KAT6B: variants seen among roughly 807,000 people sequenced by gnomAD.
KAT6B encodes the protein histone acetyltransferase KAT6B.
KAT6B carries 10 observed loss-of-function variants against 187.5 expected under a neutral mutation model. That is an observed-to-expected ratio of 0.05 (90% CI 0.03 to 0.09). The LOEUF is 0.09. KAT6B is among the 10% of genes least tolerant of loss of function. The pLI, the probability that KAT6B is intolerant of heterozygous loss-of-function variation, is 1.00. For synonymous variants in KAT6B, 861 were observed against 926.8 expected (o/e 0.93, Z 1.29); for missense variants, 1,952 against 2,558.9 (o/e 0.76, Z 5.12).
chr10:74,825,002 C>T (rs879603602), upstream of KAT6B, among the ~76,000 whole-genome samples: 19 of 152,224 alleles, frequency 1.2e-4, no homozygotes, highest in Non-Finnish European at 2.4e-4. This position sits in a 1 kb window ranked among gnomAD's most constrained non-coding sequence, Gnocchi z 5.0. Flanking sequence ...CAGCTTCCCC[C>T]TCCAGCCCGC....
intron 16 of KAT6B, chr10:75,024,268 T>A (rs1002990470): frequency 6.6e-6 from 1 of 152,214 alleles, no homozygotes; most frequent in African/African-American, 2.4e-5. Context: ...AAAAAAATAT[T>A]TTTATATCAT....
chr10:75,003,822 A>T lies in KAT6B; in HGVS notation c.2629+14710A>T, dbSNP rs947929967. On this transcript the variant is annotated intron_variant, in intron 13 of 17. Transcript: ENST00000287239. ...GACTGTTGCTGAATGCATTGAAATG[A>T]GTTGCATGAGACAGTGCGGCTAACG... Among the ~76,000 whole-genome samples, 5 of 152,204 alleles carry T rather than the reference A, an allele frequency of 3.3e-5. No homozygotes were observed. In the South Asian group the frequency reaches 6.2e-4, roughly 19 times the overall value.
chr10:75,028,688 A>T lies in KAT6B; in HGVS notation c.3864A>T (p.Thr1288=). The change falls in exon 18 of 18, where the codon ACA becomes ACT. Residue 1288 remains threonine, a synonymous_variant. Coordinates refer to ENST00000287239, the MANE Select transcript of KAT6B (RefSeq NM_012330.4). ...CCATGGAGCCTGACGAGCAGGTAAC[A>T]GTGGAAGAACAGAAGGAGACTTCAG... ...ETPMEPDEQV[T]VEEQKETSEG... The T allele has an allele frequency of 6.2e-7, 1 of 1,614,114 alleles. No individual in the cohort carries two copies. The highest frequency in any genetic ancestry group is 8.5e-7 in the Non-Finnish European group (1 of 1,180,054).
chr10:74,910,907 C>G (rs556704203), intron 3 of KAT6B, among the ~76,000 whole-genome samples: 1 of 152,184 alleles, frequency 6.6e-6, no homozygotes, highest in East Asian at 1.9e-4. Context: ...TCTAGTCTAC[C>G]CTTGCCATTT....
At chr10:74,918,283 ACTC>A (rs1243420357) in intron 3 of KAT6B, among the ~76,000 whole-genome samples, 1 of 151,742 alleles carries the variant, frequency 6.6e-6, no homozygotes, top group Non-Finnish European at 1.5e-5. Context: ...AAAGAGAAAA[ACTC>A]CTGCTCTTGT....
In KAT6B at chr10:74,843,304, G is replaced by A. The variant is rs776337217; in HGVS notation, c.447G>A (p.Gln149=). ...GCACCACCAACAACCCAGCCTTTCAGCAGCGGCTGCGACTGGGGGCCAAAC... is the reference window on the plus strand; with the variant it reads ...GCACCACCAACAACCCAGCCTTTCAACAGCGGCTGCGACTGGGGGCCAAAC... The part of the protein sequence containing the change: ...LTSTTNNPAF[Q]QRLRLGAKRA... Residue 149 remains glutamine, a synonymous_variant, in exon 3 of 18, where the codon CAG becomes CAA. Transcript: ENST00000287239. 6.2e-7 allele frequency: 1 copy of A among 1,613,688 alleles called. No individual in the cohort carries two copies. Among genetic ancestry groups the A allele is most frequent in the Admixed American group, 1.7e-5 (1 of 59,908 alleles).
chr10:74,956,749 T>G (rs1414768857), intron 3 of KAT6B, among the ~76,000 whole-genome samples: 2 of 152,206 alleles, frequency 1.3e-5, no homozygotes, highest in African/African-American at 2.4e-5. Flanking sequence ...TTAAATGAGA[T>G]AGTGCAGGAG....
At chr10:74,888,085 G>A (rs557539166) in intron 3 of KAT6B, among the ~76,000 whole-genome samples, 1 of 152,214 alleles carries the variant, frequency 6.6e-6, no homozygotes, top group Non-Finnish European at 1.5e-5. Flanking sequence ...GGTCAGGATA[G>A]CTGTATGGAA....
chr10:75,021,324 A>G (rs1845392910), intron 15 of KAT6B, 39 bp downstream of exon 15: 1 of 1,602,442 alleles, frequency 6.2e-7, no homozygotes, highest in African/African-American at 1.3e-5. Flanking sequence ...GTGTAACTTC[A>G]ATCTTGTAGC....
intron 3 of KAT6B, among the ~76,000 whole-genome samples, chr10:74,908,147 C>T (rs1218081766): frequency 6.6e-6 from 1 of 152,178 alleles, no homozygotes; most frequent in African/African-American, 2.4e-5. Context: ...GCACATTCAG[C>T]TTCTTGCCAT....
intron 13 of KAT6B, among the ~76,000 whole-genome samples, chr10:74,998,632 G>T (rs1422685984): frequency 2.0e-5 from 3 of 152,198 alleles, no homozygotes; most frequent in African/African-American, 7.2e-5. Flanking sequence ...TAGCTGCTGA[G>T]AATTATGTTC....
intron 6 of KAT6B, among the ~76,000 whole-genome samples, chr10:74,972,041 C>T (rs1841878971): frequency 6.6e-6 from 1 of 151,952 alleles, no homozygotes; most frequent in Non-Finnish European, 1.5e-5. Flanking sequence ...TTCTGCAGTA[C>T]TCAAAACTTT....
chr10:75,027,257 ACATT>A (rs1345881700), intron 17 of KAT6B, among the ~76,000 whole-genome samples: 1 of 152,204 alleles, frequency 6.6e-6, no homozygotes, highest in African/African-American at 2.4e-5. Context: ...TCTCAAGGAA[ACATT>A]CTACATCACA....
At chr10:74,997,530 T>C (rs1564613089) in intron 13 of KAT6B, among the ~76,000 whole-genome samples, 1 of 152,148 alleles carries the variant, frequency 6.6e-6, no homozygotes, top group Admixed American at 6.5e-5. Flanking sequence ...CCAAGCACTT[T>C]AACTGTTAGC....
intron 3 of KAT6B, among the ~76,000 whole-genome samples, chr10:74,940,749 C>T (rs922947455): frequency 6.6e-6 from 1 of 152,052 alleles, no homozygotes; most frequent in Non-Finnish European, 1.5e-5. Flanking sequence ...CCCAGCCTTT[C>T]CCCCATTTTT....
chr10:74,937,386 C>G (rs1018741571), intron 3 of KAT6B, among the ~76,000 whole-genome samples: 10 of 152,182 alleles, frequency 6.6e-5, no homozygotes, highest in Non-Finnish European at 8.8e-5. Context: ...GCACAGCCAG[C>G]CTTCATTACC....
At chr10:74,973,444 A>G (rs904080495) in intron 7 of KAT6B, among the ~76,000 whole-genome samples, 2 of 152,226 alleles carry the variant, frequency 1.3e-5, no homozygotes, top group African/African-American at 4.8e-5. Context: ...TAGCAGTTCT[A>G]CCAACAGACT....
intron 3 of KAT6B, among the ~76,000 whole-genome samples, chr10:74,844,973 T>C (rs1455419619): frequency 1.3e-5 from 2 of 152,180 alleles, no homozygotes; most frequent in African/African-American, 2.4e-5. Flanking sequence ...TCCCAGCACC[T>C]TGGGAGGCCA....
intron 13 of KAT6B, among the ~76,000 whole-genome samples, chr10:75,016,295 A>G (rs534689853): frequency 6.6e-6 from 1 of 152,256 alleles, no homozygotes; most frequent in South Asian, 2.1e-4. Context: ...TTAAGCCTTA[A>G]CAGAGGTGAG....
Sources: allele counts gnomAD v4.1 joint callset (sites outside exome capture counted in the v4.1 genomes callset), GRCh38; gene constraint gnomAD v4.1.1; non-coding constraint Gnocchi (gnomAD v3.1); transcripts MANE v1.5; gene names NCBI Gene and HGNC (gene_info 2026-07-23, HGNC 2026-07-21).